GNS: variants seen among roughly 807,000 people sequenced by gnomAD.
GNS encodes N-acetylglucosamine-6-sulfatase.
Under a neutral mutation model 69.7 loss-of-function variants are expected in GNS, and 40 were observed. The ratio of observed to expected loss-of-function variants is 0.57; its 90% CI spans 0.45 to 0.75. GNS has a LOEUF of 0.75. Among genes scored for constraint, GNS ranks in the 30% least tolerant of loss-of-function variants. The pLI, the probability that GNS is intolerant of heterozygous loss-of-function variation, is 0.00. For synonymous variants in GNS, 243 were observed against 251.6 expected, an observed-to-expected ratio of 0.97 and a Z score of 0.32; for missense variants, 565 against 685.5, an observed-to-expected ratio of 0.82 and a Z score of 1.96.
chr12:64,739,102 A>G (rs765874297), intron 8 of GNS, among the ~76,000 whole-genome samples: 1 of 152,094 alleles, frequency 6.6e-6, no homozygotes, highest in Non-Finnish European at 1.5e-5. Context: ...CCTATCTCAA[A>G]TGCCTTCCAT....
intron 8 of GNS, among the ~76,000 whole-genome samples, chr12:64,739,052 T>G (rs926769228): frequency 2.0e-5 from 3 of 152,164 alleles, no homozygotes; most frequent in African/African-American, 4.8e-5. Context: ...ATTCCATGAA[T>G]GGCAAGAAAG....
In GNS at chr12:64,743,184, T is replaced by A; in HGVS notation, c.749A>T (p.Asn250Ile). The change falls in exon 6 of 14, where the codon AAT becomes ATT. Residue 250 changes from asparagine to isoleucine, a missense_variant. Transcript: ENST00000258145. ...GTTCTTGTTTCTTGGTGCAAAGACA[T>A]TCTGGAAAGCCTTCTGGTACTGAGG... ...AAPQYQKAFQ[N>I]VFAPRNKNFN... 6.2e-7 allele frequency: 1 copy of A among 1,613,694 alleles called. No individual in the cohort carries two copies. Among genetic ancestry groups the A allele is most frequent in the Non-Finnish European group, 8.5e-7 (1 of 1,179,622 alleles).
chr12:64,752,660 A>C, intron 2 of GNS, 38 bp downstream of exon 2: 1 of 1,024,288 alleles, frequency 9.8e-7, no homozygotes, highest in Non-Finnish European at 1.5e-6. Context: ...ATACAAACAC[A>C]GTTAAATTAA....
intron 9 of GNS, 66 bp from the exon 10 acceptor site, chr12:64,729,123 A>G (rs1419379890): frequency 5.8e-6 from 5 of 860,566 alleles, no homozygotes; most frequent in Non-Finnish European, 1.0e-5. Flanking sequence ...TACCTATACT[A>G]AAGTTCTCTT....
At chr12:64,757,380 T>G (rs1380726626) in intron 1 of GNS, among the ~76,000 whole-genome samples, 1 of 152,242 alleles carries the variant, frequency 6.6e-6, no homozygotes, top group Non-Finnish European at 1.5e-5. Flanking sequence ...AGAGAAGGCT[T>G]GCTTTTTCTG....
At chr12:64,753,209 T>C (rs558616136) in intron 1 of GNS, among the ~76,000 whole-genome samples, 1 of 151,672 alleles carries the variant, frequency 6.6e-6, no homozygotes, top group Admixed American at 6.6e-5. Context: ...ACACACTCAG[T>C]GGTGGAGGCC....
intron 1 of GNS, among the ~76,000 whole-genome samples, chr12:64,757,452 G>T (rs537720035): frequency 3.5e-4 from 53 of 152,256 alleles, no homozygotes; most frequent in African/African-American, 1.1e-3. Context: ...TTTGTGAGCA[G>T]ACAAGTAAGT....
chr12:64,740,473 A>G (rs1869697314), intron 7 of GNS, 133 bp downstream of exon 7: 1 of 708,294 alleles, frequency 1.4e-6, no homozygotes, highest in Non-Finnish European at 2.6e-6. Flanking sequence ...TGCCCCATCG[A>G]AGCCTCTCTC....
rs1262374362 is a variant in GNS at position 64,716,294 on chromosome 12, A to G, written c.*447T>C. ...TGTGATGTTAGTATTTTTGATAGTG[A>G]AGTGCTCAATCTGAAATGCTACACA... is the stretch of plus-strand genomic sequence containing the variant. On this transcript the variant is annotated 3_prime_UTR_variant, in exon 14 of 14. Coordinates refer to ENST00000258145, the MANE Select transcript of GNS (RefSeq NM_002076.4). 1 of 229,810 alleles carries G rather than the reference A, an allele frequency of 4.4e-6. No individual in the cohort carries two copies. The highest frequency in any genetic ancestry group is 8.8e-6 in the Non-Finnish European group (1 of 113,180). The allele number at this position is 229,810 out of a possible 1,614,324, so 14.2% of individuals were successfully genotyped here. A position where few individuals can be genotyped will look rare whatever the true frequency, so the allele number is the denominator to read the frequency against.
At chr12:64,731,620 C>T (rs985768459) in intron 9 of GNS, among the ~76,000 whole-genome samples, 9 of 152,202 alleles carry the variant, frequency 5.9e-5, no homozygotes, top group Admixed American at 5.9e-4. Flanking sequence ...AGATGGGAGA[C>T]TTCTAGCAAA....
At chr12:64,756,859 A>T (rs1870267158) in intron 1 of GNS, 1 of 625,040 alleles carries the variant, frequency 1.6e-6, no homozygotes, top group Non-Finnish European at 2.8e-6. Flanking sequence ...AACACTTATT[A>T]AAAAAAAGAA....
intron 8 of GNS, among the ~76,000 whole-genome samples, chr12:64,737,822 T>G (rs374564523): frequency 6.6e-5 from 10 of 152,216 alleles, no homozygotes; most frequent in Admixed American, 5.9e-4. Flanking sequence ...AAGTCCCTAA[T>G]CTAACTACCA....
At chr12:64,718,792 T>C (rs1265005479) in intron 13 of GNS, among the ~76,000 whole-genome samples, 1 of 152,236 alleles carries the variant, frequency 6.6e-6, no homozygotes, top group Admixed American at 6.5e-5. Flanking sequence ...GCTATCGACA[T>C]CTAACTTAAT....
intron 1 of GNS, among the ~76,000 whole-genome samples, chr12:64,753,380 A>C (rs1207110070): frequency 6.6e-6 from 1 of 152,250 alleles, no homozygotes; most frequent in Non-Finnish European, 1.5e-5. Context: ...TCTTTTGTTC[A>C]AAATCTAAGA....
intron 3 of GNS, chr12:64,746,036 TA>T (rs1869888460): frequency 2.3e-6 from 1 of 430,002 alleles, no homozygotes. Context: ...GACAATTACA[TA>T]AAATTCAAAT....
rs1317681072 is a variant in GNS at position 64,739,495 on chromosome 12, G to T, written c.880C>A (p.Gln294Lys). The T allele has an allele frequency of 6.5e-7, 1 of 1,538,598 alleles. No homozygotes were observed. The change falls in exon 8 of 14, where the codon CAA (glutamine) becomes AAA (lysine). Residue 294 changes from glutamine to lysine, a missense_variant. Physicochemically the swap from Gln to Lys is moderately conservative, Grantham distance 53. Around this residue, in one of 2 missense-constraint regions of GNS, gnomAD observed 384 missense variants for 511.0 expected, o/e 0.75. Coordinates refer to ENST00000258145, the MANE Select transcript of GNS (RefSeq NM_002076.4). ...FLDNAFRKRW[Q>K]TLLSVDDLVE... ...AGGTCATCAACTGAGAGGAGAGTTT[G>T]CCACCTGGATGTGAACAGAAGGTAG...
At chr12:64,727,775 C>T (rs1218731885) in intron 10 of GNS, among the ~76,000 whole-genome samples, 1 of 152,100 alleles carries the variant, frequency 6.6e-6, no homozygotes, top group African/African-American at 2.4e-5. Context: ...AATCAATTCT[C>T]TACTAGATAT....
chr12:64,719,700 C>G (rs1331287653), intron 13 of GNS, among the ~76,000 whole-genome samples: 2 of 152,146 alleles, frequency 1.3e-5, no homozygotes, highest in African/African-American at 4.8e-5. Flanking sequence ...CAGTGGGTCG[C>G]AGCTTACTTA....
At chr12:64,739,592 CAA>C in intron 7 of GNS, 93 bp from the exon 8 acceptor site, 2 of 677,626 alleles carry the variant, frequency 3.0e-6, no homozygotes, top group South Asian at 1.6e-5. Context: ...AAAACAAAAA[CAA>C]AGACACCCCC....
Sources: gnomAD v4.1 joint callset for allele counts (sites outside exome capture counted in the v4.1 genomes callset) on GRCh38, gnomAD v4.1.1 for gene constraint, gnomAD v4.1.1 regional missense constraint, MANE v1.5 for transcripts, NCBI Gene and HGNC (gene_info 2026-07-23, HGNC 2026-07-21) for gene names.